The following EBF1 variants were observed in gnomAD, a reference collection of about 807,000 sequenced individuals.
The protein encoded by EBF1 is EBF transcription factor 1, also known as transcription factor COE1.
In EBF1, 10 loss-of-function variants were observed where a neutral mutation model predicts 68.4. That is an observed-to-expected ratio of 0.15 (90% confidence interval 0.09 to 0.25). The LOEUF is 0.25. EBF1 is among the 10% of genes least tolerant of loss of function. The pLI, the probability that EBF1 is intolerant of heterozygous loss-of-function variation, is 1.00. For synonymous variants in EBF1, 298 were observed against 299.8 expected, an observed-to-expected ratio of 0.99 and a Z score of 0.06; for missense variants, 509 against 794.4, an observed-to-expected ratio of 0.64 and a Z score of 4.32.
chr5:159,012,613 A>T (rs1013924356), intron 6 of EBF1, among the ~76,000 whole-genome samples: 3 of 152,070 alleles, frequency 2.0e-5, no homozygotes, highest in Non-Finnish European at 4.4e-5. Flanking sequence ...CAGCCTCCTG[A>T]GTAGCTGGGA....
intron 6 of EBF1, among the ~76,000 whole-genome samples, chr5:158,914,214 TG>T (rs1806630874): frequency 1.3e-5 from 2 of 152,080 alleles, no homozygotes; most frequent in Middle Eastern, 3.2e-3. Flanking sequence ...AGGTAGGTGG[TG>T]GGGGCAGTGC....
chr5:158,899,088 T>G (rs1802754418), intron 6 of EBF1, among the ~76,000 whole-genome samples: 1 of 152,254 alleles, frequency 6.6e-6, no homozygotes, highest in South Asian at 2.1e-4. Flanking sequence ...TTCAATAATG[T>G]ATCTGAATAA....
rs1044649723 is a variant in EBF1 at position 158,889,562 on chromosome 5, G to A, written c.555-49452C>T. Among the ~76,000 whole-genome samples the A allele has an allele frequency of 3.3e-5, 5 of 152,202 alleles. No homozygotes were observed. In the South Asian group the frequency reaches 6.2e-4, roughly 19 times the overall value. ...TAAGTTATTTATGATGCTGAGCTAC[G>A]AGAATGGGATTCTAGCCTCTGTTAT... On this transcript the variant is annotated intron_variant, in intron 6 of 15. Transcript: ENST00000313708.
chr5:158,992,768 A>G (rs1760602712), intron 6 of EBF1, among the ~76,000 whole-genome samples: 1 of 152,142 alleles, frequency 6.6e-6, no homozygotes, highest in Non-Finnish European at 1.5e-5. Context: ...TTAAAAAGAC[A>G]TCTGGGAACA....
At chr5:158,985,595 C>T (rs1758864699) in intron 6 of EBF1, among the ~76,000 whole-genome samples, 1 of 152,218 alleles carries the variant, frequency 6.6e-6, no homozygotes, top group African/African-American at 2.4e-5. Context: ...TCTCTTTTCT[C>T]CCTGCATCTA....
In EBF1 at chr5:158,953,560, C is replaced by G. The variant is rs545142816; in HGVS notation, c.555-113450G>C. ...TGAACTCAGAAAGTTGACAATCATA[C>G]ACTTTCTTTTTGAGAAAGGAGCAGA... On this transcript the variant is annotated intron_variant, in intron 6 of 15. Coordinates refer to ENST00000313708, the MANE Select transcript of EBF1 (RefSeq NM_024007.5). Among the ~76,000 whole-genome samples the G allele has an allele frequency of 3.9e-5, 6 of 152,288 alleles. No individual in the cohort carries two copies. In the South Asian group the frequency reaches 1.2e-3, roughly 32 times the overall value.
Position 158,922,977 on chromosome 5 carries a change from T to G in EBF1, c.555-82867A>C, listed in dbSNP as rs529184551. Among the ~76,000 whole-genome samples, 3 of 152,234 alleles carry G rather than the reference T, an allele frequency of 2.0e-5. No homozygotes were observed. The South Asian group carries it at 6.2e-4, about 32-fold the overall frequency. On this transcript the variant is annotated intron_variant, in intron 6 of 15. Transcript: ENST00000313708. Reference sequence around the variant, plus strand: ...GCAAAGTAAGAAGTAAGTGGCTAATTGCAGCCGAAATGAATGGCTGAGCCT... The same window carrying G: ...GCAAAGTAAGAAGTAAGTGGCTAATGGCAGCCGAAATGAATGGCTGAGCCT...
intron 6 of EBF1, among the ~76,000 whole-genome samples, chr5:158,960,916 C>T (rs1253007658): frequency 6.6e-6 from 1 of 152,110 alleles, no homozygotes; most frequent in Non-Finnish European, 1.5e-5. Context: ...CAGCCCCGGT[C>T]GAGCCTTCAG....
chr5:158,733,788 T>C (rs748031769), intron 10 of EBF1, among the ~76,000 whole-genome samples: 25 of 152,184 alleles, frequency 1.6e-4, no homozygotes, highest in Non-Finnish European at 2.9e-4. Flanking sequence ...AATGGAATCG[T>C]CCAGTGCTGC....
chr5:158,899,796 G>C (rs2127285927), intron 6 of EBF1, among the ~76,000 whole-genome samples: 1 of 152,332 alleles, frequency 6.6e-6, no homozygotes, highest in Middle Eastern at 3.4e-3. Flanking sequence ...TGGGTGGTCA[G>C]AGCCATGTGT....
chr5:159,053,632 C>T (rs888472060), intron 6 of EBF1, among the ~76,000 whole-genome samples: 3 of 151,932 alleles, frequency 2.0e-5, no homozygotes, highest in African/African-American at 7.3e-5. Context: ...CACACACACA[C>T]ACACACCCCA....
chr5:158,786,872 G>A (rs1260592913), intron 9 of EBF1, among the ~76,000 whole-genome samples: 2 of 152,002 alleles, frequency 1.3e-5, no homozygotes, highest in Non-Finnish European at 2.9e-5. Flanking sequence ...AGTAGTCAGG[G>A]AATAAATTCA....
Position 159,042,206 on chromosome 5 carries a change from C to T in EBF1, c.554+31190G>A, listed in dbSNP as rs1419156053. 4.6e-5 allele frequency among the ~76,000 whole-genome samples: 7 copies of T among 152,326 alleles called. 1 individual carries two copies. The highest frequency in any genetic ancestry group is 3.9e-4 in the Admixed American group (6 of 15,304). On this transcript the variant is annotated intron_variant, in intron 6 of 15. Transcript: ENST00000313708. ...TCATGGGGATCCTGGTCCCTGCCTG[C>T]ATCTTCTGCTCACAAAGGGATCTGG...
At chr5:158,776,428 G>A (rs1234349254) in intron 10 of EBF1, among the ~76,000 whole-genome samples, 7 of 152,070 alleles carry the variant, frequency 4.6e-5, no homozygotes, top group Admixed American at 1.3e-4. Flanking sequence ...AATAAAATTC[G>A]TCCACTTAAT....
intron 7 of EBF1, among the ~76,000 whole-genome samples, chr5:158,837,896 C>T (rs975878933): frequency 1.3e-5 from 2 of 152,122 alleles, no homozygotes; most frequent in African/African-American, 4.8e-5. Flanking sequence ...ATACTTTGCT[C>T]CTAACTCAAG....
At chr5:159,051,995 T>C (rs1021532626) in intron 6 of EBF1, among the ~76,000 whole-genome samples, 2 of 105,588 alleles carry the variant, frequency 1.9e-5, no homozygotes, top group East Asian at 4.9e-4. Context: ...ACGCACAGGC[T>C]CATAAGACAC....
At chr5:158,720,502 T>C (rs1761712814) in intron 11 of EBF1, among the ~76,000 whole-genome samples, 1 of 152,172 alleles carries the variant, frequency 6.6e-6, no homozygotes, top group Admixed American at 6.5e-5. Flanking sequence ...ATGAGGGCAG[T>C]GAGGGAAAGA....
Position 158,731,140 on chromosome 5 carries a change from T to C in EBF1, c.1054A>G (p.Ile352Val), listed in dbSNP as rs761138916. ...TGTAACCTCTGGAAACCATAATCGA[T>C]GGTGGGTTCGTTGAGCGCTGCAATA... ...FIYTALNEPT[I>V]DYGFQRLQKV... The change falls in exon 11 of 16, where the codon ATC becomes GTC. Residue 352 changes from isoleucine (I) to valine (V), a missense_variant. Physicochemically the swap from Ile to Val is conservative, Grantham distance 29 (BLOSUM62 3). Coordinates refer to ENST00000313708, the MANE Select transcript of EBF1 (RefSeq NM_024007.5). 1.2e-6 allele frequency: 2 copies of C among 1,614,024 alleles called. No homozygotes were observed. The highest frequency in any genetic ancestry group is 1.1e-5 in the South Asian group (1 of 91,040).
intron 6 of EBF1, among the ~76,000 whole-genome samples, chr5:158,889,953 G>C (rs1386862493): frequency 6.6e-6 from 1 of 152,158 alleles, no homozygotes; most frequent in African/African-American, 2.4e-5. Context: ...GTAATATAGA[G>C]ATTAAAGTAT....
Sources: gnomAD v4.1 joint callset for allele counts (sites outside exome capture counted in the v4.1 genomes callset) on GRCh38, gnomAD v4.1.1 for gene constraint, MANE v1.5 for transcripts, NCBI Gene and HGNC (gene_info 2026-07-23, HGNC 2026-07-21) for gene names.